Variants in NCKAP5 observed in about 807,000 individuals in gnomAD.
NCKAP5 encodes NCK associated protein 5, also known as nck-associated protein 5.
NCKAP5 carries 92 observed loss-of-function variants against 167.0 expected under a neutral mutation model. That is an observed-to-expected ratio of 0.55 (90% CI 0.47 to 0.66). The LOEUF is 0.66. Ranked by LOEUF, NCKAP5 falls within the 30% of genes least tolerant of loss-of-function variation. NCKAP5 has a pLI of 0.00. For synonymous variants in NCKAP5, 891 were observed against 877.4 expected, an observed-to-expected ratio of 1.02 and a Z score of -0.27; for missense variants, 2,378 against 2,315.0, an observed-to-expected ratio of 1.03 and a Z score of -0.56.
chr2:133,658,782 G>C, the NCKAP5 span, among the ~76,000 whole-genome samples: 2 of 152,102 alleles, frequency 1.3e-5, no homozygotes, highest in African/African-American at 2.4e-5. Context: ...GCTCCTGTCT[G>C]TTTGCTGGTT....
At chr2:133,026,545 C>T (rs1430449481) in intron 6 of NCKAP5, among the ~76,000 whole-genome samples, 2 of 152,094 alleles carry the variant, frequency 1.3e-5, no homozygotes, top group Non-Finnish European at 2.9e-5. Context: ...CATTTTGCTG[C>T]TATTCTGAAC....
At chr2:133,654,621 GA>G in the NCKAP5 span, among the ~76,000 whole-genome samples, 1 of 152,120 alleles carries the variant, frequency 6.6e-6, no homozygotes, top group African/African-American at 2.4e-5. Context: ...TGGTCCACTG[GA>G]TTGTAAGTTT....
At chr2:132,730,116 G>T (rs372148918) in intron 17 of NCKAP5, among the ~76,000 whole-genome samples, 14 of 152,034 alleles carry the variant, frequency 9.2e-5, no homozygotes, top group African/African-American at 3.4e-4. Flanking sequence ...GTTCAGGATG[G>T]GTGACAAAAA....
intron 2 of NCKAP5, among the ~76,000 whole-genome samples, chr2:133,521,698 G>A (rs139165154): frequency 3.7e-4 from 56 of 152,288 alleles, no homozygotes; most frequent in Non-Finnish European, 7.2e-4. Context: ...GTTGTAGCAC[G>A]TTAGAGCCCC....
chr2:132,710,351 T>C (rs184080487), intron 19 of NCKAP5, among the ~76,000 whole-genome samples: 1 of 152,206 alleles, frequency 6.6e-6, no homozygotes, highest in African/African-American at 2.4e-5. Context: ...ATCAAGAATG[T>C]CTATCACCAC....
At chr2:133,036,259 T>C (rs533497820) in intron 6 of NCKAP5, among the ~76,000 whole-genome samples, 2 of 151,996 alleles carry the variant, frequency 1.3e-5, no homozygotes, top group Non-Finnish European at 2.9e-5. Flanking sequence ...GAAGAACTAA[T>C]AGCAATCCTA....
chr2:133,182,760 A>G (rs564739764), intron 5 of NCKAP5, among the ~76,000 whole-genome samples: 2 of 152,274 alleles, frequency 1.3e-5, no homozygotes, highest in Non-Finnish European at 2.9e-5. Context: ...ATGAATAAAT[A>G]TAAGAGCAGA....
intron 6 of NCKAP5, among the ~76,000 whole-genome samples, chr2:133,072,032 A>G (rs922727126): frequency 1.1e-4 from 16 of 150,738 alleles, no homozygotes; most frequent in Non-Finnish European, 2.1e-4. Context: ...TACAAGATGC[A>G]TGGTCTCTCC....
intron 3 of NCKAP5, among the ~76,000 whole-genome samples, chr2:133,400,030 C>T (rs1242657021): frequency 2.0e-5 from 3 of 152,228 alleles, no homozygotes; most frequent in East Asian, 1.9e-4. Context: ...TTTCTAATTT[C>T]AATCTTCCTT....
chr2:133,514,470 C>A (rs1683809929), intron 3 of NCKAP5, among the ~76,000 whole-genome samples: 2 of 152,110 alleles, frequency 1.3e-5, no homozygotes, highest in Admixed American at 6.5e-5. Context: ...TTCTGTGATT[C>A]CTCCAGTCTA....
At chr2:133,026,734 C>T (rs1375471649) in intron 6 of NCKAP5, among the ~76,000 whole-genome samples, 1 of 152,168 alleles carries the variant, frequency 6.6e-6, no homozygotes, top group African/African-American at 2.4e-5. Context: ...GTGCTGGCCT[C>T]GAATTCCTTC....
chr2:133,664,530 T>G, the NCKAP5 span, among the ~76,000 whole-genome samples: 1 of 152,170 alleles, frequency 6.6e-6, no homozygotes, highest in Non-Finnish European at 1.5e-5. Flanking sequence ...AGACAGAGTC[T>G]CGCTCTGTTG....
intron 8 of NCKAP5, among the ~76,000 whole-genome samples, chr2:132,915,374 A>C (rs1250702607): frequency 6.6e-6 from 1 of 152,094 alleles, no homozygotes; most frequent in Non-Finnish European, 1.5e-5. Context: ...GTTTCCAAAC[A>C]TGATTTGGGA....
chr2:132,943,108 G>C (rs566466592), intron 8 of NCKAP5, among the ~76,000 whole-genome samples: 2 of 152,320 alleles, frequency 1.3e-5, no homozygotes, highest in Admixed American at 1.3e-4. Flanking sequence ...ACCAGGGTCT[G>C]AACTGAGTTT....
chr2:133,065,949 A>C (rs1351279589), intron 6 of NCKAP5, among the ~76,000 whole-genome samples: 2 of 152,240 alleles, frequency 1.3e-5, no homozygotes, highest in African/African-American at 4.8e-5. Flanking sequence ...TTCTCCATTC[A>C]TCTTAATGGG....
At chr2:132,816,358 G>A (rs1686269458) in intron 11 of NCKAP5, among the ~76,000 whole-genome samples, 1 of 152,096 alleles carries the variant, frequency 6.6e-6, no homozygotes, top group Admixed American at 6.5e-5. Context: ...GAGGGGATAG[G>A]TAAATGCTTC....
chr2:132,708,936 GC>G (rs1688602187), intron 19 of NCKAP5, among the ~76,000 whole-genome samples: 2 of 152,048 alleles, frequency 1.3e-5, no homozygotes, highest in Non-Finnish European at 2.9e-5. Flanking sequence ...GAATGTTAAT[GC>G]TTTTTGCATC....
At chr2:133,362,748 TTTGTTGTTG>T (rs80322357) in intron 3 of NCKAP5, among the ~76,000 whole-genome samples, 1 of 151,286 alleles carries the variant, frequency 6.6e-6, no homozygotes, top group South Asian at 2.1e-4. Context: ...CATGTATTTC[TTTGTTGTTG>T]TTGTTGTTGT....
At chr2:133,386,282 T>C (rs1317776303) in intron 3 of NCKAP5, among the ~76,000 whole-genome samples, 1 of 152,252 alleles carries the variant, frequency 6.6e-6, no homozygotes, top group East Asian at 1.9e-4. Context: ...AACATTTTTA[T>C]TTCTGCCTTC....
Sources: gnomAD v4.1 joint callset for allele counts (sites outside exome capture counted in the v4.1 genomes callset) on GRCh38, gnomAD v4.1.1 for gene constraint, MANE v1.5 for transcripts, NCBI Gene and HGNC (gene_info 2026-07-23, HGNC 2026-07-21) for gene names.